TCF7L1: variants seen among roughly 807,000 people sequenced by gnomAD.
TCF7L1 encodes transcription factor 7-like 1.
A neutral mutation model predicts 63.7 loss-of-function variants in TCF7L1; 18 were observed. That is an observed-to-expected ratio of 0.28 (90% CI 0.20 to 0.42). The LOEUF (loss-of-function observed/expected upper bound fraction) is 0.42, where lower values mean the gene tolerates loss of function less well. TCF7L1 is among the 10% of genes least tolerant of loss of function. The pLI, the probability that TCF7L1 is intolerant of heterozygous loss-of-function variation, is 1.00. For missense variants in TCF7L1, 654 were observed against 779.3 expected, an observed-to-expected ratio of 0.84 and a Z score of 1.91; for synonymous variants, 355 against 340.9, an observed-to-expected ratio of 1.04 and a Z score of -0.46.
intron 3 of TCF7L1, among the ~76,000 whole-genome samples, chr2:85,146,399 G>T (rs1304693898): frequency 6.6e-6 from 1 of 152,022 alleles, no homozygotes; most frequent in East Asian, 1.9e-4. Context: ...AATGCCATTT[G>T]GGGCAAGATT....
chr2:85,304,062 T>TG (rs1682048504), intron 6 of TCF7L1, 65 bp downstream of exon 6: 1 of 1,349,362 alleles, frequency 7.4e-7, no homozygotes, highest in African/African-American at 1.5e-5. Flanking sequence ...CTCTGTGCCC[T>TG]GCGCGCCCTG....
chr2:85,199,259 T>C (rs1679223287), intron 3 of TCF7L1, among the ~76,000 whole-genome samples: 1 of 152,224 alleles, frequency 6.6e-6, no homozygotes, highest in South Asian at 2.1e-4. Context: ...AGTATGTCTC[T>C]TAGCCATTTT....
intron 3 of TCF7L1, among the ~76,000 whole-genome samples, chr2:85,151,824 G>A (rs886682179): frequency 5.5e-4 from 84 of 152,224 alleles, no homozygotes; most frequent in African/African-American, 2.0e-3. Context: ...GTGGCCCACC[G>A]AGCTGGAAAG....
intron 3 of TCF7L1, among the ~76,000 whole-genome samples, chr2:85,194,729 A>G (rs537887419): frequency 6.6e-6 from 1 of 152,142 alleles, no homozygotes; most frequent in Non-Finnish European, 1.5e-5. Flanking sequence ...ACACTCCAGG[A>G]GTGGGTTCTC....
rs1350529699 is a variant in TCF7L1, at chr2:85,134,250, G to A, written c.314-73G>A. 19 of 1,484,670 alleles carry A rather than the reference G, an allele frequency of 1.3e-5. No homozygotes were observed. The highest frequency in any genetic ancestry group is 1.6e-5 in the Non-Finnish European group (18 of 1,116,938). 92.0% of individuals were successfully genotyped at this position (1,484,670 alleles called of 1,614,324 possible). ...GGGGGCGCTGGGGTCCCCAGCTCCCGCCTCGAGCCCCCTGCCGCGGCGCTG... is the reference window on the plus strand; with the variant it reads ...GGGGGCGCTGGGGTCCCCAGCTCCCACCTCGAGCCCCCTGCCGCGGCGCTG... On this transcript the variant is annotated intron_variant, in intron 2 of 11. Transcript: ENST00000282111. This position sits in a 1 kb window ranked among gnomAD's most constrained non-coding sequence, Gnocchi z 5.0.
At chr2:85,210,220 G>A (rs766083367) in intron 3 of TCF7L1, among the ~76,000 whole-genome samples, 54 of 152,294 alleles carry the variant, frequency 3.5e-4, no homozygotes, top group Non-Finnish European at 6.8e-4. Flanking sequence ...CCTCCTCTGA[G>A]AGGCCTCGCT....
At chr2:85,282,953 T>G (rs1681454602) in intron 3 of TCF7L1, among the ~76,000 whole-genome samples, 1 of 152,110 alleles carries the variant, frequency 6.6e-6, no homozygotes, top group Non-Finnish European at 1.5e-5. Flanking sequence ...AAGCTCAGCA[T>G]CCTTGAGTTG....
intron 3 of TCF7L1, among the ~76,000 whole-genome samples, chr2:85,184,096 G>A (rs1384339649): frequency 6.6e-6 from 1 of 152,144 alleles, no homozygotes; most frequent in Non-Finnish European, 1.5e-5. Context: ...TTTTTGTCTT[G>A]GGGTATGTAG....
intron 3 of TCF7L1, among the ~76,000 whole-genome samples, chr2:85,155,612 A>T (rs532274151): frequency 1.8e-4 from 28 of 152,312 alleles, no homozygotes; most frequent in Admixed American, 1.6e-3. Context: ...AGTACAAATC[A>T]CTAGAATACT....
intron 4 of TCF7L1, among the ~76,000 whole-genome samples, chr2:85,285,484 G>A (rs759579764): frequency 3.3e-5 from 5 of 151,832 alleles, no homozygotes; most frequent in East Asian, 1.9e-4. Context: ...GGAAGGAACC[G>A]TGAGTGCGGG....
At chr2:85,303,867 A>G (rs752321816) in intron 5 of TCF7L1, 28 bp from the exon 6 acceptor site, 3 of 1,540,080 alleles carry the variant, frequency 1.9e-6, no homozygotes, top group South Asian at 1.1e-5. Flanking sequence ...GCGAGGGAAC[A>G]GTCTGACATA....
chr2:85,268,998 G>T (rs1400104842), intron 3 of TCF7L1, among the ~76,000 whole-genome samples: 2 of 151,942 alleles, frequency 1.3e-5, no homozygotes, highest in African/African-American at 4.8e-5. Context: ...TGAGGAAGAA[G>T]GTGGAGGAAA....
chr2:85,135,941 G>T (rs1247574113), intron 3 of TCF7L1, among the ~76,000 whole-genome samples: 3 of 143,262 alleles, frequency 2.1e-5, no homozygotes, highest in African/African-American at 7.8e-5. Flanking sequence ...AGGGGGGGGG[G>T]GATCAACGAG....
intron 3 of TCF7L1, among the ~76,000 whole-genome samples, chr2:85,208,068 G>A (rs71411818): frequency 1.7e-3 from 255 of 152,168 alleles, no homozygotes; most frequent in Non-Finnish European, 3.0e-3. Context: ...CACCACACAT[G>A]GCCAATTTTT....
At chr2:85,282,095 C>T (rs1164489139) in intron 3 of TCF7L1, among the ~76,000 whole-genome samples, 1 of 152,204 alleles carries the variant, frequency 6.6e-6, no homozygotes, top group Admixed American at 6.5e-5. Context: ...TCAAGCGATT[C>T]TCCTGCCTCA....
At chr2:85,292,886 C>G (rs765938028) in intron 4 of TCF7L1, among the ~76,000 whole-genome samples, 1 of 152,240 alleles carries the variant, frequency 6.6e-6, no homozygotes, top group Non-Finnish European at 1.5e-5. Flanking sequence ...CCCAAGTCAA[C>G]TATTTCTTTC....
chr2:85,279,023 T>C (rs1439806965), intron 3 of TCF7L1, among the ~76,000 whole-genome samples: 1 of 152,250 alleles, frequency 6.6e-6, no homozygotes, highest in Non-Finnish European at 1.5e-5. Flanking sequence ...CCAGCCCGTG[T>C]ACACATCTTC....
chr2:85,201,204 A>G (rs1181320451), intron 3 of TCF7L1, among the ~76,000 whole-genome samples: 2 of 152,258 alleles, frequency 1.3e-5, no homozygotes, highest in Non-Finnish European at 2.9e-5. Context: ...CTTCGTCTCA[A>G]GAAAACAAAA....
intron 3 of TCF7L1, among the ~76,000 whole-genome samples, chr2:85,205,245 A>C (rs1679377337): frequency 6.6e-6 from 1 of 152,248 alleles, no homozygotes; most frequent in East Asian, 1.9e-4. Context: ...AAAAAGAATA[A>C]AGATATTTTT....
Sources: gnomAD v4.1 joint callset for allele counts (sites outside exome capture counted in the v4.1 genomes callset) on GRCh38, gnomAD v4.1.1 for gene constraint, Gnocchi (gnomAD v3.1) non-coding constraint, MANE v1.5 for transcripts, NCBI Gene and HGNC (gene_info 2026-07-23, HGNC 2026-07-21) for gene names.